The following MACROH2A1 variants were observed in gnomAD, a reference collection of about 807,000 sequenced individuals.
The protein encoded by MACROH2A1 is macroH2A.1 histone.
In MACROH2A1, 2 loss-of-function variants were observed where a neutral mutation model predicts 31.6. The ratio of observed to expected loss-of-function variants is 0.06; its 90% CI spans 0.03 to 0.20. MACROH2A1 has a LOEUF of 0.20. Among genes scored for constraint, MACROH2A1 ranks in the 10% least tolerant of loss-of-function variants. The probability of loss-of-function intolerance (pLI) is 1.00; values close to 1 mark genes in which losing one functional copy is unlikely to be tolerated. For synonymous variants in MACROH2A1, 169 were observed against 189.6 expected (o/e 0.89, Z 0.89); for missense variants, 230 against 474.0 (o/e 0.49, Z 4.78).
intron 2 of MACROH2A1, among the ~76,000 whole-genome samples, chr5:135,380,340 A>G (rs1581312723): frequency 1.3e-5 from 2 of 152,288 alleles, no homozygotes; most frequent in South Asian, 4.1e-4. Flanking sequence ...TTTTGACCCC[A>G]GCACCCCGCT....
chr5:135,367,719 G>A (rs1279299993), intron 4 of MACROH2A1, among the ~76,000 whole-genome samples: 2 of 152,220 alleles, frequency 1.3e-5, no homozygotes, highest in Non-Finnish European at 2.9e-5. Flanking sequence ...TGAGGACGTG[G>A]TCCTGCCCCT....
Position 135,370,719 on chromosome 5 carries a change from G to A in MACROH2A1, c.173-577C>T, listed in dbSNP as rs370497559. Among the ~76,000 whole-genome samples the A allele has an allele frequency of 9.9e-5, 15 of 152,268 alleles. 2 individuals carry two copies. The highest frequency in any genetic ancestry group is 3.6e-4 in the African/African-American group (15 of 41,548). Reference sequence around the variant, plus strand: ...TTAAAGTGTGTGTGTGTGGGGGGAGGTTGTTGTAGATTCAAAAGGTGAAAA... The same window carrying A: ...TTAAAGTGTGTGTGTGTGGGGGGAGATTGTTGTAGATTCAAAAGGTGAAAA... On this transcript the variant is annotated intron_variant, in intron 2 of 8. Transcript: ENST00000511689.
Position 135,334,852 on chromosome 5 carries a change from TC to T in MACROH2A1, c.*123del, listed in dbSNP as rs1758389738. The T allele has an allele frequency of 7.6e-6, 6 of 791,774 alleles. No homozygotes were observed. Among genetic ancestry groups the T allele is most frequent in the Non-Finnish European group, 1.0e-5 (5 of 479,938 alleles). The allele number at this position is 791,774 out of a possible 1,614,324, so 49.0% of individuals were successfully genotyped here. On this transcript the variant is annotated 3_prime_UTR_variant, in exon 9 of 9. Coordinates refer to ENST00000511689, the MANE Select transcript of MACROH2A1 (RefSeq NM_138610.3). ...TAAACTGGAAACCAAAGCCTTATTTTCCCTAGATGAGCAAAACTGAAAATGA... is the reference window on the plus strand; with the variant it reads ...TAAACTGGAAACCAAAGCCTTATTTTCCTAGATGAGCAAAACTGAAAATGA...
chr5:135,377,409 T>C (rs1765030196), intron 2 of MACROH2A1, among the ~76,000 whole-genome samples: 1 of 152,266 alleles, frequency 6.6e-6, no homozygotes, highest in South Asian at 2.1e-4. Flanking sequence ...CAATCAGCGA[T>C]GTCTGCTGAA....
chr5:135,339,897 C>A (rs911607833), intron 8 of MACROH2A1, among the ~76,000 whole-genome samples: 1 of 152,220 alleles, frequency 6.6e-6, no homozygotes, highest in Non-Finnish European at 1.5e-5. Context: ...CCACTCCAGG[C>A]CCCCGGGCTT....
chr5:135,350,039 T>C (rs1761325723), intron 6 of MACROH2A1, among the ~76,000 whole-genome samples: 1 of 152,184 alleles, frequency 6.6e-6, no homozygotes, highest in South Asian at 2.1e-4. Flanking sequence ...CTCAGGTCCC[T>C]CAGTGTGTTC....
intron 4 of MACROH2A1, among the ~76,000 whole-genome samples, chr5:135,367,662 A>C (rs898195143): frequency 3.9e-5 from 6 of 152,212 alleles, no homozygotes; most frequent in African/African-American, 1.4e-4. Flanking sequence ...CAGTGAACGC[A>C]TGAAGGAGGG....
intron 2 of MACROH2A1, among the ~76,000 whole-genome samples, chr5:135,375,261 C>T (rs1460790655): frequency 6.6e-6 from 1 of 152,226 alleles, no homozygotes; most frequent in Non-Finnish European, 1.5e-5. Flanking sequence ...CTCAGAGCTG[C>T]AAGCCCTGCA....
chr5:135,375,923 C>G (rs1224356695), intron 2 of MACROH2A1, among the ~76,000 whole-genome samples: 1 of 152,184 alleles, frequency 6.6e-6, no homozygotes, highest in Non-Finnish European at 1.5e-5. Flanking sequence ...CTGCTAAGAG[C>G]TTCCTGCATT....
chr5:135,356,422 G>A (rs3776209), intron 5 of MACROH2A1: 20,913 of 152,380 alleles, frequency 0.14, 2,672 homozygotes, highest in African/African-American at 0.33. Flanking sequence ...TTTGAAGGCA[G>A]GAGTGGGTGT....
chr5:135,363,964 A>C (rs945866272), intron 4 of MACROH2A1, among the ~76,000 whole-genome samples: 6 of 152,142 alleles, frequency 3.9e-5, no homozygotes, highest in Admixed American at 1.3e-4. Flanking sequence ...TGGCTGCATA[A>C]ATGTCTTCAT....
At chr5:135,395,037 T>C (rs541043075) in intron 1 of MACROH2A1, among the ~76,000 whole-genome samples, 20 of 152,256 alleles carry the variant, frequency 1.3e-4, no homozygotes, top group Non-Finnish European at 2.2e-4. Flanking sequence ...TTCAGGGAGC[T>C]TGTAGAGCTA....
chr5:135,363,188 A>G (rs1278790630), intron 4 of MACROH2A1, among the ~76,000 whole-genome samples: 2 of 150,314 alleles, frequency 1.3e-5, no homozygotes, highest in African/African-American at 5.0e-5. Context: ...CACTGCTACC[A>G]AAAATACAAA....
chr5:135,399,692 CTT>C (rs1768577906), upstream of MACROH2A1: 1 of 152,356 alleles, frequency 6.6e-6, no homozygotes, highest in South Asian at 2.1e-4. This position sits in a 1 kb window ranked among gnomAD's most constrained non-coding sequence, Gnocchi z 4.5. Flanking sequence ...ACCCCGCTGT[CTT>C]TAGATACAGG....
intron 8 of MACROH2A1, among the ~76,000 whole-genome samples, chr5:135,342,336 T>C (rs996938506): frequency 6.6e-6 from 1 of 152,152 alleles, no homozygotes; most frequent in Non-Finnish European, 1.5e-5. Flanking sequence ...CTTCTCAGAA[T>C]GGGGGTTAAT....
intron 8 of MACROH2A1, among the ~76,000 whole-genome samples, chr5:135,338,940 G>A (rs1254360139): frequency 6.6e-6 from 1 of 152,182 alleles, no homozygotes; most frequent in East Asian, 1.9e-4. Context: ...TCAGGGGTCT[G>A]TGCAGTGATG....
At chr5:135,336,833 G>A (rs1343600517) in intron 8 of MACROH2A1, among the ~76,000 whole-genome samples, 2 of 152,210 alleles carry the variant, frequency 1.3e-5, no homozygotes, top group African/African-American at 2.4e-5. Flanking sequence ...TATCTGGAAT[G>A]AGCCACGTTG....
At chr5:135,343,455 CAG>C (rs1482496424) in intron 7 of MACROH2A1, 21 bp from the exon 8 acceptor site, 2 of 1,611,714 alleles carry the variant, frequency 1.2e-6, no homozygotes, top group South Asian at 1.1e-5. Flanking sequence ...GGGGATGAAA[CAG>C]AAACAGTGAG....
chr5:135,346,102 G>A (rs147522551), intron 6 of MACROH2A1, 45 bp from the exon 7 acceptor site: 21 of 1,091,768 alleles, frequency 1.9e-5, no homozygotes, highest in African/African-American at 1.8e-4. Flanking sequence ...CTGTGTCTCC[G>A]GCACACACAG....
Sources: allele counts gnomAD v4.1 joint callset (sites outside exome capture counted in the v4.1 genomes callset), GRCh38; gene constraint gnomAD v4.1.1; non-coding constraint Gnocchi (gnomAD v3.1); transcripts MANE v1.5; gene names NCBI Gene and HGNC (gene_info 2026-07-23, HGNC 2026-07-21).